MROH7: variants seen among roughly 807,000 people sequenced by gnomAD.
MROH7 encodes maestro heat like repeat family member 7.
Under a neutral mutation model 129.2 loss-of-function variants are expected in MROH7, and 113 were observed. That is an observed-to-expected ratio of 0.87 (90% CI 0.75 to 1.02). MROH7 has a LOEUF of 1.02. MROH7 is among the 50% of genes least tolerant of loss of function. MROH7 has a pLI of 0.00. For missense variants in MROH7, 1,601 were observed against 1,671.3 expected, an observed-to-expected ratio of 0.96 and a Z score of 0.73; for synonymous variants, 655 against 667.9, an observed-to-expected ratio of 0.98 and a Z score of 0.30.
At chr1:54,692,836 A>G (rs1390819401) in intron 16 of MROH7, among the ~76,000 whole-genome samples, 1 of 152,228 alleles carries the variant, frequency 6.6e-6, no homozygotes, top group Non-Finnish European at 1.5e-5. Flanking sequence ...TTTAGTTCCC[A>G]TGCCAAAACA....
At chr1:54,664,953 A>C (rs1362373388) in intron 3 of MROH7, among the ~76,000 whole-genome samples, 1 of 152,170 alleles carries the variant, frequency 6.6e-6, no homozygotes, top group Non-Finnish European at 1.5e-5. Context: ...TGAAGTTTGC[A>C]GTGAGCCGAG....
intron 15 of MROH7, among the ~76,000 whole-genome samples, chr1:54,689,830 C>T (rs1000321661): frequency 6.6e-6 from 1 of 152,070 alleles, no homozygotes; most frequent in African/African-American, 2.4e-5. Context: ...GGCAACATGG[C>T]GAAACCCCAT....
intron 4 of MROH7, 66 bp downstream of exon 4, chr1:54,665,306 CCCCAG>C: frequency 7.7e-6 from 10 of 1,294,844 alleles, no homozygotes; most frequent in Non-Finnish European, 1.1e-5. Context: ...ACCCCCTACC[CCCCAG>C]CCCAGCAGCC....
chr1:54,702,046 C>A (rs185577325), intron 19 of MROH7, 44 bp from the exon 20 acceptor site: 18 of 1,474,058 alleles, frequency 1.2e-5, no homozygotes, highest in Non-Finnish European at 1.6e-5. Context: ...CAGTGAGTGG[C>A]GTCCCAGAGG....
chr1:54,680,539 A>C (rs1645053357), intron 13 of MROH7, among the ~76,000 whole-genome samples: 1 of 152,206 alleles, frequency 6.6e-6, no homozygotes, highest in African/African-American at 2.4e-5. Context: ...CATGACAGTA[A>C]TGCAGCCAGC....
intron 15 of MROH7, among the ~76,000 whole-genome samples, chr1:54,687,850 A>G (rs1481123214): frequency 2.0e-5 from 3 of 150,308 alleles, no homozygotes; most frequent in African/African-American, 7.3e-5. Context: ...TATGAATGAC[A>G]TTGAGTTTGC....
chr1:54,700,135 A>G (rs1050489612), intron 17 of MROH7, 186 bp from the exon 18 acceptor site: 13 of 774,280 alleles, frequency 1.7e-5, no homozygotes, highest in Admixed American at 4.0e-5. Flanking sequence ...AGAGTGACAC[A>G]CTCAGCTTTG....
intron 13 of MROH7, among the ~76,000 whole-genome samples, chr1:54,682,045 C>T (rs1022626977): frequency 4.6e-5 from 7 of 152,046 alleles, no homozygotes; most frequent in Admixed American, 1.3e-4. Flanking sequence ...CCAAGATTTG[C>T]GTAGGGCCTG....
intron 3 of MROH7, among the ~76,000 whole-genome samples, chr1:54,656,762 G>T (rs977017888): frequency 6.6e-6 from 1 of 152,056 alleles, no homozygotes; most frequent in Non-Finnish European, 1.5e-5. Context: ...AGTAAGCCAA[G>T]ATCGTGCCAC....
At chr1:54,691,635 G>C (rs890839119) in intron 15 of MROH7, among the ~76,000 whole-genome samples, 2 of 151,860 alleles carry the variant, frequency 1.3e-5, no homozygotes, top group African/African-American at 4.8e-5. Flanking sequence ...GAGAAACCCC[G>C]TCTCTACTAA....
At chr1:54,663,692 A>AC (rs1430186185) in intron 3 of MROH7, 4 of 400,508 alleles carry the variant, frequency 1.0e-5, no homozygotes, top group Non-Finnish European at 1.9e-5. Flanking sequence ...CTCTAAAAAA[A>AC]AAAAAAAAAC....
At chr1:54,696,659 C>CTTTTTTT (rs1157748080) in intron 17 of MROH7, among the ~76,000 whole-genome samples, 53 of 66,894 alleles carry the variant, frequency 7.9e-4, no homozygotes, top group African/African-American at 9.6e-4. Context: ...AATTTCCTTA[C>CTTTTTTT]TTTTTTTTTT....
At chr1:54,658,122 G>C (rs571384261) in intron 3 of MROH7, among the ~76,000 whole-genome samples, 2 of 152,152 alleles carry the variant, frequency 1.3e-5, no homozygotes, top group South Asian at 2.1e-4. Context: ...CCAGCCCCTA[G>C]CCACCACCAT....
chr1:54,649,805 C>T (rs1644528053), intron 1 of MROH7, among the ~76,000 whole-genome samples: 1 of 152,214 alleles, frequency 6.6e-6, no homozygotes, highest in Non-Finnish European at 1.5e-5. Flanking sequence ...TCACGCTCCT[C>T]CTTAAGTAAG....
chr1:54,708,988 C>A, intron 22 of MROH7, 26 bp from the exon 23 acceptor site: 1 of 1,612,236 alleles, frequency 6.2e-7, no homozygotes, highest in Non-Finnish European at 8.5e-7. Context: ...AAGACAAATG[C>A]CCTCACTTCT....
intron 17 of MROH7, chr1:54,695,755 G>A (rs751903317): frequency 2.2e-5 from 11 of 494,948 alleles, no homozygotes; most frequent in Non-Finnish European, 3.0e-5. Flanking sequence ...TGTCAGGCAC[G>A]AGACATATAA....
chr1:54,685,681 G>A (rs1645136976), intron 14 of MROH7, among the ~76,000 whole-genome samples: 1 of 152,194 alleles, frequency 6.6e-6, no homozygotes, highest in South Asian at 2.1e-4. Context: ...CTTGAGCCAT[G>A]CTCTTGCTCA....
In MROH7 at chr1:54,699,187, C is replaced by CTTTCTTTCTCTT. The variant is rs1553176969; in HGVS notation, c.2965-1133_2965-1132insTTCTTTCTCTTT. ...TCTTTCTTTCTTTCTTTCTTTCTTT[C>CTTTCTTTCTCTT]TCTTTCTTTCTTTCTTTCTCTCCCT... On this transcript the variant is annotated intron_variant, in intron 17 of 23. Transcript: ENST00000421030. 94 of 75,832 alleles carry CTTTCTTTCTCTT rather than the reference C, an allele frequency of 1.2e-3. 3 individuals carry two copies. The East Asian group carries it at 0.018, about 15-fold the overall frequency. 4.7% of individuals were successfully genotyped at this position (75,832 alleles called of 1,614,324 possible).
chr1:54,677,036 T>C (rs1644992957), intron 10 of MROH7, among the ~76,000 whole-genome samples: 1 of 152,080 alleles, frequency 6.6e-6, no homozygotes. Context: ...AGACAGAGTT[T>C]CTCCATGTTG....
Sources: gnomAD v4.1 joint callset for allele counts (sites outside exome capture counted in the v4.1 genomes callset) on GRCh38, gnomAD v4.1.1 for gene constraint, MANE v1.5 for transcripts, NCBI Gene and HGNC (gene_info 2026-07-23, HGNC 2026-07-21) for gene names.